Variants in PLEC observed in about 807,000 individuals in gnomAD.
PLEC encodes plectin.
A neutral mutation model predicts 392.8 loss-of-function variants in PLEC; 216 were observed. The ratio of observed to expected loss-of-function variants is 0.55; its 90% CI spans 0.49 to 0.62. The LOEUF (loss-of-function observed/expected upper bound fraction) is 0.62, where lower values mean the gene tolerates loss of function less well. PLEC is among the 20% of genes least tolerant of loss of function. The probability of loss-of-function intolerance (pLI) is 0.00; values close to 1 mark genes in which losing one functional copy is unlikely to be tolerated. For missense variants in PLEC, 6,863 were observed against 6,563.4 expected, an observed-to-expected ratio of 1.05 and a Z score of -1.58; for synonymous variants, 3,621 against 2,980.6, an observed-to-expected ratio of 1.21 and a Z score of -7.00.
Position 143,921,830 on chromosome 8 carries a change from A to C in PLEC, c.7991T>G (p.Leu2664Arg). ...CAACCGCTGCAGCTCCTCCGCACTC[A>C]GGATGCCGGCCTCCTGCAGCCTCTG... The part of the protein sequence containing the change: ...SAQRLQEAGI[L>R]SAEELQRLAQ... Residue 2664 changes from leucine (L) to arginine (R), a missense_variant, in exon 32 of 32, where the codon CTG (leucine) becomes CGG (arginine). Transcript: ENST00000345136. The C allele has an allele frequency of 6.2e-7, 1 of 1,606,890 alleles. No homozygotes were observed. Among genetic ancestry groups the C allele is most frequent in the Non-Finnish European group, 8.5e-7 (1 of 1,179,732 alleles).
At chr8:143,945,031 G>A (rs561796539) in intron 1 of PLEC, among the ~76,000 whole-genome samples, 3 of 152,178 alleles carry the variant, frequency 2.0e-5, no homozygotes, top group Admixed American at 1.3e-4. Context: ...GCGGGCTCAC[G>A]TCCCTGCAGG....
chr8:143,949,798 G>A (rs1265762250), intron 1 of PLEC, among the ~76,000 whole-genome samples: 3 of 152,308 alleles, frequency 2.0e-5, no homozygotes, highest in South Asian at 2.1e-4. Context: ...ACACCCAACC[G>A]GCGCCAGCAC....
chr8:143,959,375 G>A (rs1368343018), intron 1 of PLEC, among the ~76,000 whole-genome samples: 1 of 152,254 alleles, frequency 6.6e-6, no homozygotes, highest in Non-Finnish European at 1.5e-5. Flanking sequence ...CACAAAACGT[G>A]CTGGAATAAG....
At chr8:143,936,331 T>C (rs1411340156) in intron 5 of PLEC, among the ~76,000 whole-genome samples, 2 of 152,168 alleles carry the variant, frequency 1.3e-5, no homozygotes, top group Non-Finnish European at 2.9e-5. Flanking sequence ...GGCTGCACCC[T>C]GCACCTCCCG....
At chr8:143,941,543 G>A (rs1315394372), upstream of PLEC, among the ~76,000 whole-genome samples, 1 of 152,074 alleles carries the variant, frequency 6.6e-6, no homozygotes, top group African/African-American at 2.4e-5. Flanking sequence ...GCTGGGACCA[G>A]GTGGGCTGGG....
Position 143,925,271 on chromosome 8 carries a change from C to T in PLEC, c.4658G>A (p.Arg1553Gln), listed in dbSNP as rs782744995. 49 of 1,581,720 alleles carry T rather than the reference C, an allele frequency of 3.1e-5. No individual in the cohort carries two copies. The highest frequency in any genetic ancestry group is 1.2e-4 in the African/African-American group (9 of 74,388). ...CCGCGCTCGCTCCACCTCGGCCTGC[C>T]GCAGGCGCCGCTCCGCCTCCTCCGC... The part of the protein sequence containing the change: ...LQAEEAERRL[R>Q]QAEVERARQV... The change falls in exon 31 of 32, where the codon CGG becomes CAG. Residue 1553 changes from arginine (R) to glutamine (Q), a missense_variant. Coordinates refer to ENST00000345136, the MANE Select transcript of PLEC (RefSeq NM_201384.3).
rs942886062 is a variant in PLEC, at chr8:143,915,916, G to A, written c.*261C>T. The A allele has an allele frequency of 6.7e-5, 23 of 343,310 alleles. No individual in the cohort carries two copies. The highest frequency in any genetic ancestry group is 7.9e-5 in the Non-Finnish European group (15 of 189,808). The allele number at this position is 343,310 out of a possible 1,614,324, so 21.3% of individuals were successfully genotyped here. ...GGGGCCCAGCTTGGGACCCTCCAAGGCACCTGGCTGTGTGAGTGGCAGGTA... is the reference window on the plus strand; with the variant it reads ...GGGGCCCAGCTTGGGACCCTCCAAGACACCTGGCTGTGTGAGTGGCAGGTA... On this transcript the variant is annotated 3_prime_UTR_variant, in exon 32 of 32. Coordinates refer to ENST00000345136, the MANE Select transcript of PLEC (RefSeq NM_201384.3).
chr8:143,924,161 A>T lies in PLEC; in HGVS notation c.5768T>A (p.Val1923Glu), dbSNP rs1160994383. 1.3e-6 allele frequency: 2 copies of T among 1,597,584 alleles called. No homozygotes were observed. The highest frequency in any genetic ancestry group is 1.7e-6 in the Non-Finnish European group (2 of 1,179,160). The part of the protein sequence containing the change: ...VEDTLRQRRQ[V>E]EEEILALKAS... Reference sequence around the variant, plus strand: ...CTTCAGCGCCAGGATCTCCTCCTCCACCTGCCGCCGCTGCCTCAGCGTGTC... The same window carrying T: ...CTTCAGCGCCAGGATCTCCTCCTCCTCCTGCCGCCGCTGCCTCAGCGTGTC... The change falls in exon 31 of 32, where the codon GTG (valine) becomes GAG (glutamate). Residue 1923 changes from valine to glutamate, a missense_variant. Val to Glu is a moderately radical substitution (Grantham distance 121, BLOSUM62 -2). Coordinates refer to ENST00000345136, the MANE Select transcript of PLEC (RefSeq NM_201384.3).
At chr8:143,922,468 G>GCCC (rs1823167934) in intron 31 of PLEC, 36 bp downstream of exon 31, 5 of 1,602,288 alleles carry the variant, frequency 3.1e-6, no homozygotes, top group Non-Finnish European at 8.5e-7. Flanking sequence ...CAGATCCCCG[G>GCCC]GCCCACCCGC....
chr8:143,952,289 G>A (rs995048996), upstream of PLEC, among the ~76,000 whole-genome samples: 44 of 152,268 alleles, frequency 2.9e-4, no homozygotes, highest in African/African-American at 9.4e-4. Flanking sequence ...GCATAGCCAC[G>A]GTTCCCACAG....
Position 143,930,075 on chromosome 8 carries a change from G to C in PLEC, c.2613-13C>G, listed in dbSNP as rs546006039. The C allele has an allele frequency of 1.1e-5, 17 of 1,608,888 alleles. No individual in the cohort carries two copies. Among genetic ancestry groups the C allele is most frequent in the South Asian group, 9.9e-5 (9 of 91,018 alleles). The stretch of plus-strand genomic sequence containing the variant: ...CTGGGCCTCCAGCCTGGCAGGTCAG[G>C]GCTACAGTCAGCGTCACCAGCGCCC... On this transcript the variant is annotated splice_polypyrimidine_tract_variant and intron_variant, in intron 21 of 31. Transcript: ENST00000345136.
intron 19 of PLEC, 144 bp from the exon 20 acceptor site, chr8:143,930,680 G>A (rs1826976804): frequency 1.2e-6 from 1 of 860,620 alleles, no homozygotes; most frequent in Non-Finnish European, 1.8e-6. Context: ...GTATAGCTGG[G>A]ACAGGCCCCG....
At chr8:143,945,023 G>A (rs546102266) in intron 1 of PLEC, among the ~76,000 whole-genome samples, 11 of 146,150 alleles carry the variant, frequency 7.5e-5, no homozygotes, top group East Asian at 3.9e-4. Flanking sequence ...CGGGAGGTGC[G>A]GGCTCACGTC....
chr8:143,971,349 G>A (rs1198815484), intron 1 of PLEC, among the ~76,000 whole-genome samples: 1 of 152,020 alleles, frequency 6.6e-6, no homozygotes, highest in Non-Finnish European at 1.5e-5. Context: ...ACCAAATGCT[G>A]AGCTGGGCCC....
chr8:143,957,085 G>A (rs559520840), upstream of PLEC, among the ~76,000 whole-genome samples: 2 of 152,068 alleles, frequency 1.3e-5, no homozygotes, highest in South Asian at 4.1e-4. Flanking sequence ...GCCTGGAGAC[G>A]GGGCTACAGC....
intron 1 of PLEC, chr8:143,944,740 G>A: frequency 1.6e-6 from 2 of 1,260,578 alleles, no homozygotes; most frequent in South Asian, 3.7e-5. Context: ...CTCGGAGGAG[G>A]CACAAGCCAC....
chr8:143,925,703 A>ACCGCCGCCTCCTC lies in PLEC; in HGVS notation c.4213_4225dup (p.Val1409GlyfsTer40). ...GCTGCGCTTCTGCTGCTGCGCGTCC[A>ACCGCCGCCTCCTC]CCGCCGCCTCCTCCCGCCGCACCAC... On this transcript the variant is annotated frameshift_variant, in exon 31 of 32. Coordinates refer to ENST00000345136, the MANE Select transcript of PLEC (RefSeq NM_201384.3). LOFTEE classifies it high-confidence loss of function. 6.3e-7 allele frequency: 1 copy of ACCGCCGCCTCCTC among 1,586,540 alleles called. No homozygotes were observed. Among genetic ancestry groups the ACCGCCGCCTCCTC allele is most frequent in the Non-Finnish European group, 8.5e-7 (1 of 1,174,420 alleles).
upstream of PLEC, among the ~76,000 whole-genome samples, chr8:143,955,888 G>C (rs782076886): frequency 6.6e-6 from 1 of 151,120 alleles, no homozygotes; most frequent in Non-Finnish European, 1.5e-5. Flanking sequence ...CACACTGCCT[G>C]GTCCAGATCA....
At chr8:143,976,422 C>T (rs1319208591), upstream of PLEC, among the ~76,000 whole-genome samples, 2 of 152,078 alleles carry the variant, frequency 1.3e-5, no homozygotes, top group African/African-American at 4.8e-5. Flanking sequence ...CCCGCCCCCA[C>T]TGGCTTCTCC....
Sources: allele counts gnomAD v4.1 joint callset (sites outside exome capture counted in the v4.1 genomes callset), GRCh38; gene constraint gnomAD v4.1.1; transcripts MANE v1.5; gene names NCBI Gene and HGNC (gene_info 2026-07-23, HGNC 2026-07-21).